Variants in FAM168A observed in about 807,000 individuals in gnomAD.
FAM168A encodes the protein protein FAM168A.
Under a neutral mutation model 28.5 loss-of-function variants are expected in FAM168A, and 3 were observed. That is an observed-to-expected ratio of 0.11 (90% CI 0.05 to 0.27). The LOEUF (loss-of-function observed/expected upper bound fraction) is 0.27. Ranked by LOEUF, FAM168A falls within the 10% of genes least tolerant of loss-of-function variation. The probability of loss-of-function intolerance (pLI) is 1.00; values close to 1 mark genes in which losing one functional copy is unlikely to be tolerated. For missense variants in FAM168A, 222 were observed against 311.5 expected (o/e 0.71, Z 2.16); for synonymous variants, 122 against 124.2 (o/e 0.98, Z 0.12).
intron 1 of FAM168A, among the ~76,000 whole-genome samples, chr11:73,526,051 T>G (rs568963639): frequency 6.6e-6 from 1 of 152,318 alleles, no homozygotes; most frequent in African/African-American, 2.4e-5. Context: ...AAGGACTATT[T>G]TCTTTGGTGC....
At chr11:73,514,191 C>A (rs571959835) in intron 1 of FAM168A, among the ~76,000 whole-genome samples, 1 of 151,728 alleles carries the variant, frequency 6.6e-6, no homozygotes, top group South Asian at 2.1e-4. Context: ...GTGAGCAGGC[C>A]ACTGTACTCC....
At chr11:73,530,518 C>T (rs1167569505) in intron 1 of FAM168A, among the ~76,000 whole-genome samples, 1 of 152,164 alleles carries the variant, frequency 6.6e-6, no homozygotes, top group Non-Finnish European at 1.5e-5. Flanking sequence ...TTCACCACAG[C>T]AACAAGCAGC....
chr11:73,543,562 A>G (rs993786844), intron 1 of FAM168A, among the ~76,000 whole-genome samples: 3 of 152,150 alleles, frequency 2.0e-5, no homozygotes, highest in African/African-American at 7.2e-5. Context: ...CGCTCGGCCC[A>G]TTAATTGTTC....
intron 1 of FAM168A, among the ~76,000 whole-genome samples, chr11:73,588,367 T>C (rs1468836087): frequency 1.3e-5 from 2 of 152,130 alleles, no homozygotes; most frequent in Non-Finnish European, 2.9e-5. Flanking sequence ...TATTAACAAA[T>C]GTGGGTTCTT....
At chr11:73,476,647 G>A (rs1160867002) in intron 1 of FAM168A, among the ~76,000 whole-genome samples, 2 of 151,702 alleles carry the variant, frequency 1.3e-5, no homozygotes, top group Non-Finnish European at 2.9e-5. Context: ...GGAATCAGCA[G>A]ATAAATATTT....
intron 1 of FAM168A, among the ~76,000 whole-genome samples, chr11:73,545,841 G>A (rs1021298987): frequency 2.0e-5 from 3 of 151,652 alleles, no homozygotes; most frequent in East Asian, 1.9e-4. Flanking sequence ...AAGCCACGGC[G>A]CCCAGCCAAC....
intron 1 of FAM168A, among the ~76,000 whole-genome samples, chr11:73,557,923 A>G (rs551937319): frequency 1.3e-5 from 2 of 152,376 alleles, no homozygotes; most frequent in African/African-American, 4.8e-5. Context: ...ATCAATGAGA[A>G]AAGAAAAGTT....
At chr11:73,501,109 A>G (rs1855003556) in intron 1 of FAM168A, among the ~76,000 whole-genome samples, 1 of 152,184 alleles carries the variant, frequency 6.6e-6, no homozygotes, top group Admixed American at 6.5e-5. Flanking sequence ...GGCATTACAT[A>G]ATGGCAAAGG....
intron 1 of FAM168A, among the ~76,000 whole-genome samples, chr11:73,496,443 T>C (rs1854877266): frequency 6.6e-6 from 1 of 152,226 alleles, no homozygotes; most frequent in Non-Finnish European, 1.5e-5. Context: ...TTTTGCAAGA[T>C]GAAAAAGTTC....
intron 1 of FAM168A, among the ~76,000 whole-genome samples, chr11:73,526,333 G>A (rs1015603594): frequency 6.6e-6 from 1 of 152,166 alleles, no homozygotes; most frequent in African/African-American, 2.4e-5. Flanking sequence ...ATTATAGAGT[G>A]ATAATATCTA....
intron 2 of FAM168A, among the ~76,000 whole-genome samples, chr11:73,454,689 A>G (rs1867495531): frequency 6.6e-6 from 1 of 152,232 alleles, no homozygotes; most frequent in African/African-American, 2.4e-5. Flanking sequence ...TAAAAACTCC[A>G]GATTCAGCTG....
At chr11:73,584,634 C>T (rs1944289297) in intron 1 of FAM168A, among the ~76,000 whole-genome samples, 1 of 152,004 alleles carries the variant, frequency 6.6e-6, no homozygotes, top group South Asian at 2.1e-4. Context: ...CCACCATGCC[C>T]GGCTAATTTT....
chr11:73,433,075 CCTT>C (rs1356497986), intron 2 of FAM168A, among the ~76,000 whole-genome samples: 8 of 123,442 alleles, frequency 6.5e-5, no homozygotes, highest in Non-Finnish European at 9.5e-5. Context: ...CCACGCCCCG[CCTT>C]TTTTTTTTTT....
chr11:73,410,958 T>A (rs1866598747), intron 5 of FAM168A, among the ~76,000 whole-genome samples: 1 of 152,136 alleles, frequency 6.6e-6, no homozygotes, highest in African/African-American at 2.4e-5. Flanking sequence ...TGTACTTTCC[T>A]CCTCCCCACT....
intron 1 of FAM168A, among the ~76,000 whole-genome samples, chr11:73,510,344 C>A (rs560447552): frequency 4.5e-4 from 68 of 152,228 alleles, no homozygotes; most frequent in African/African-American, 1.6e-3. Flanking sequence ...CTAAAGAGCA[C>A]GTGACCTTAT....
chr11:73,504,530 T>A (rs531599264), intron 1 of FAM168A, among the ~76,000 whole-genome samples: 7 of 152,192 alleles, frequency 4.6e-5, no homozygotes, highest in African/African-American at 1.4e-4. Flanking sequence ...TGTGGAGAAA[T>A]AAGAACGCTT....
At position 73,472,477 on chromosome 11, in the gene FAM168A, G is replaced by A. The variant is rs567363623; in HGVS notation, c.-18-3985C>T. ...AGGCCAAATCATGCAGGGCCTCATA[G>A]GCCACTATACAAACTTTGTTTTTAT... On this transcript the variant is annotated intron_variant, in intron 1 of 7. Coordinates refer to ENST00000356467, the MANE Select transcript of FAM168A (RefSeq NM_015159.3). 5.3e-5 allele frequency among the ~76,000 whole-genome samples: 8 copies of A among 152,328 alleles called. No individual in the cohort carries two copies. In the South Asian group the frequency reaches 1.5e-3, roughly 28 times the overall value.
chr11:73,427,599 A>G (rs1866912339), intron 3 of FAM168A, among the ~76,000 whole-genome samples: 1 of 152,182 alleles, frequency 6.6e-6, no homozygotes, highest in Non-Finnish European at 1.5e-5. Context: ...TCTAAGCTTT[A>G]GTTTTCCCAT....
At chr11:73,530,521 C>A (rs1943503756) in intron 1 of FAM168A, among the ~76,000 whole-genome samples, 1 of 152,158 alleles carries the variant, frequency 6.6e-6, no homozygotes, top group Non-Finnish European at 1.5e-5. Context: ...ACCACAGCAA[C>A]AAGCAGCATA....
Sources: gnomAD v4.1 joint callset for allele counts (sites outside exome capture counted in the v4.1 genomes callset) on GRCh38, gnomAD v4.1.1 for gene constraint, MANE v1.5 for transcripts, NCBI Gene and HGNC (gene_info 2026-07-23, HGNC 2026-07-21) for gene names.